Variants in ANK2 observed in about 807,000 individuals in gnomAD.
ANK2 encodes ankyrin-2.
ANK2 carries 83 observed loss-of-function variants against 360.5 expected under a neutral mutation model. That is an observed-to-expected ratio of 0.23 (90% CI 0.19 to 0.28). The LOEUF is 0.28. ANK2 is among the 10% of genes least tolerant of loss of function. The probability of loss-of-function intolerance (pLI) is 1.00; values close to 1 mark genes in which losing one functional copy is unlikely to be tolerated. For synonymous variants in ANK2, 1,740 were observed against 1,759.5 expected (o/e 0.99, Z 0.28); for missense variants, 4,201 against 4,795.7 (o/e 0.88, Z 3.66).
At chr4:112,720,980 A>G in the ANK2 span, among the ~76,000 whole-genome samples, 2 of 152,152 alleles carry the variant, frequency 1.3e-5, no homozygotes, top group African/African-American at 4.8e-5. Context: ...TATTTAGGAA[A>G]ATCCTCCACT....
At chr4:113,344,882 AAGT>A (rs1307758577) in intron 34 of ANK2, among the ~76,000 whole-genome samples, 2 of 152,142 alleles carry the variant, frequency 1.3e-5, no homozygotes, top group African/African-American at 4.8e-5. Context: ...TAAAGATAGA[AAGT>A]AGAAGAGTGG....
intron 2 of ANK2, among the ~76,000 whole-genome samples, chr4:113,020,663 A>G (rs2057812253): frequency 6.6e-6 from 1 of 152,090 alleles, no homozygotes; most frequent in South Asian, 2.1e-4. Context: ...CCCCGTCTCT[A>G]CTAAAAATAC....
At chr4:112,828,113 G>A (rs568156658) in intron 1 of ANK2, among the ~76,000 whole-genome samples, 1 of 152,140 alleles carries the variant, frequency 6.6e-6, no homozygotes, top group African/African-American at 2.4e-5. Context: ...TAAGCATTGG[G>A]GAAAGGATTC....
chr4:113,199,470 A>T (rs6850181), intron 4 of ANK2, among the ~76,000 whole-genome samples: 96,921 of 151,984 alleles, frequency 0.64, 31,124 homozygotes, highest in African/African-American at 0.71. Flanking sequence ...TTTAAAATAT[A>T]CTTGAAAGAT....
intron 1 of ANK2, among the ~76,000 whole-genome samples, chr4:113,063,893 G>C (rs1223946094): frequency 6.6e-6 from 1 of 152,026 alleles, no homozygotes; most frequent in Non-Finnish European, 1.5e-5. Context: ...CCACCTTCCT[G>C]CTTCTTTATT....
intron 1 of ANK2, chr4:112,827,479 C>T (rs927431105): frequency 4.5e-6 from 6 of 1,343,208 alleles, no homozygotes; most frequent in Non-Finnish European, 6.4e-6. Flanking sequence ...GACATCCAGC[C>T]TGACAGTCAC....
intron 2 of ANK2, among the ~76,000 whole-genome samples, chr4:113,184,470 T>G (rs1448117457): frequency 6.6e-6 from 1 of 152,064 alleles, no homozygotes; most frequent in Non-Finnish European, 1.5e-5. Flanking sequence ...TGATTTTTGC[T>G]GTTGGAGACA....
chr4:113,219,348 T>A (rs2099123090), intron 4 of ANK2, among the ~76,000 whole-genome samples: 1 of 151,974 alleles, frequency 6.6e-6, no homozygotes, highest in Admixed American at 6.6e-5. Context: ...GTACAACAAC[T>A]GTAAAATTTA....
At chr4:113,320,488 C>A (rs1242799546) in intron 26 of ANK2, among the ~76,000 whole-genome samples, 1 of 152,028 alleles carries the variant, frequency 6.6e-6, no homozygotes, top group Admixed American at 6.5e-5. Context: ...CTCATCTCTA[C>A]TAAAAATACA....
chr4:113,367,341 G>C (rs1252232358), intron 41 of ANK2, among the ~76,000 whole-genome samples: 1 of 152,004 alleles, frequency 6.6e-6, no homozygotes, highest in Non-Finnish European at 1.5e-5. Flanking sequence ...CTATGACCCA[G>C]TTGCTCTGCA....
chr4:113,331,183 G>C lies in ANK2; in HGVS notation c.3125+713G>C, dbSNP rs138395016. ...AACAAAAGGATGAAGTTTTGGAGGG[G>C]GACAAGTTTCAAAATATTTTGAAAC... On this transcript the variant is annotated intron_variant, in intron 27 of 45. Coordinates refer to ENST00000357077, the MANE Select transcript of ANK2 (RefSeq NM_001148.6). Among the ~76,000 whole-genome samples, 721 of 152,076 alleles carry C rather than the reference G, an allele frequency of 4.7e-3. 4 individuals carry two copies. The highest frequency in any genetic ancestry group is 0.01 in the Middle Eastern group (3 of 292).
chr4:112,769,862 G>T, the ANK2 span, among the ~76,000 whole-genome samples: 1 of 152,116 alleles, frequency 6.6e-6, no homozygotes, highest in East Asian at 1.9e-4. Context: ...GACATCAGTT[G>T]TCTTCTGCCC....
intron 2 of ANK2, among the ~76,000 whole-genome samples, chr4:113,028,032 G>A (rs2059638498): frequency 6.6e-6 from 1 of 151,988 alleles, no homozygotes; most frequent in East Asian, 1.9e-4. Flanking sequence ...ATTAAAATAG[G>A]TGACTGATGA....
At chr4:112,783,129 C>T in the ANK2 span, among the ~76,000 whole-genome samples, 9 of 152,118 alleles carry the variant, frequency 5.9e-5, no homozygotes, top group African/African-American at 9.6e-5. Flanking sequence ...AGGCTGGTCT[C>T]GAGCTCCTGA....
chr4:112,790,646 G>A, the ANK2 span, among the ~76,000 whole-genome samples: 1 of 151,796 alleles, frequency 6.6e-6, no homozygotes, highest in Admixed American at 6.6e-5. Context: ...ATGCCACCAC[G>A]CCGGCTAATT....
intron 4 of ANK2, among the ~76,000 whole-genome samples, chr4:113,222,930 T>C (rs2099167713): frequency 6.6e-6 from 1 of 152,196 alleles, no homozygotes; most frequent in Non-Finnish European, 1.5e-5. Flanking sequence ...TAGGATGCCT[T>C]CTTAACTATT....
intron 2 of ANK2, among the ~76,000 whole-genome samples, chr4:113,033,473 C>T (rs1368291615): frequency 1.3e-5 from 2 of 151,872 alleles, no homozygotes; most frequent in African/African-American, 2.4e-5. Flanking sequence ...CAGAGAAATA[C>T]CCAAACAAAA....
At position 112,892,392 on chromosome 4, in the gene ANK2, C is replaced by A. The variant is rs190267104; in HGVS notation, c.-39-12063C>A. On this transcript the variant is annotated intron_variant, in intron 1 of 30. Coordinates refer to the ANK2 transcript ENST00000503271. ...CATTGGTAAATTATACATACATCTA[C>A]CTTATAGGGCTGTTGTGAGGATTAG... Among the ~76,000 whole-genome samples the A allele has an allele frequency of 4.9e-3, 744 of 152,252 alleles. 3 individuals are homozygous for A. Among genetic ancestry groups the A allele is most frequent in the Middle Eastern group, 0.031 (9 of 294 alleles).
At chr4:113,105,896 T>G (rs2093568507) in intron 1 of ANK2, among the ~76,000 whole-genome samples, 1 of 152,218 alleles carries the variant, frequency 6.6e-6, no homozygotes, top group Non-Finnish European at 1.5e-5. Flanking sequence ...ATATTTTGAT[T>G]TAACCTACAA....
Sources: gnomAD v4.1 joint callset for allele counts (sites outside exome capture counted in the v4.1 genomes callset) on GRCh38, gnomAD v4.1.1 for gene constraint, MANE v1.5 for transcripts, NCBI Gene and HGNC (gene_info 2026-07-23, HGNC 2026-07-21) for gene names.